Variants in TMCC1 observed in about 807,000 individuals in gnomAD.
TMCC1 encodes the protein transmembrane and coiled-coil domains protein 1.
Under a neutral mutation model 52.4 loss-of-function variants are expected in TMCC1, and 15 were observed. The observed-to-expected ratio is 0.29, with a 90% CI of 0.19 to 0.44. The LOEUF (loss-of-function observed/expected upper bound fraction) is 0.44, where lower values mean the gene tolerates loss of function less well. Ranked by LOEUF, TMCC1 falls within the 20% of genes least tolerant of loss-of-function variation. The probability of loss-of-function intolerance (pLI) is 1.00; values close to 1 mark genes in which losing one functional copy is unlikely to be tolerated. For missense variants in TMCC1, 503 were observed against 806.0 expected (o/e 0.62, Z 4.55); for synonymous variants, 279 against 301.9 (o/e 0.92, Z 0.79).
At chr3:129,787,819 T>C (rs1161601257) in intron 4 of TMCC1, among the ~76,000 whole-genome samples, 1 of 152,210 alleles carries the variant, frequency 6.6e-6, no homozygotes, top group Non-Finnish European at 1.5e-5. Flanking sequence ...ACACAGATGG[T>C]TGGGAGAAAG....
At chr3:129,775,139 G>T (rs560834175) in intron 4 of TMCC1, among the ~76,000 whole-genome samples, 1 of 152,156 alleles carries the variant, frequency 6.6e-6, no homozygotes, top group Non-Finnish European at 1.5e-5. Flanking sequence ...GCTTGGTGGG[G>T]GTGTATGCAG....
At chr3:129,724,587 AT>A (rs2049925445) in intron 4 of TMCC1, among the ~76,000 whole-genome samples, 1 of 152,222 alleles carries the variant, frequency 6.6e-6, no homozygotes, top group African/African-American at 2.4e-5. Context: ...CATTTTTCAT[AT>A]GTGCCCAAAA....
At chr3:129,767,256 C>G (rs1336630268) in intron 4 of TMCC1, among the ~76,000 whole-genome samples, 1 of 122,478 alleles carries the variant, frequency 8.2e-6, no homozygotes, top group African/African-American at 3.2e-5. Flanking sequence ...GAGACGCTGT[C>G]TTTAAAAAAA....
intron 5 of TMCC1, among the ~76,000 whole-genome samples, chr3:129,656,122 C>T (rs540483898): frequency 9.4e-4 from 143 of 152,298 alleles, no homozygotes; most frequent in African/African-American, 3.2e-3. Context: ...TTTAGGAAAA[C>T]GAGTCTTCTC....
At chr3:129,787,155 C>A (rs528875885) in intron 4 of TMCC1, among the ~76,000 whole-genome samples, 1 of 152,276 alleles carries the variant, frequency 6.6e-6, no homozygotes, top group Admixed American at 6.5e-5. Flanking sequence ...TTAGATAATT[C>A]TTTTCACATA....
At chr3:129,812,754 T>C (rs528657403) in intron 4 of TMCC1, among the ~76,000 whole-genome samples, 4 of 152,212 alleles carry the variant, frequency 2.6e-5, no homozygotes, top group African/African-American at 7.2e-5. Context: ...CATCTGGACA[T>C]AGGACCTGGC....
At chr3:129,655,862 C>T (rs548191299) in intron 5 of TMCC1, among the ~76,000 whole-genome samples, 2 of 152,190 alleles carry the variant, frequency 1.3e-5, no homozygotes, top group African/African-American at 4.8e-5. Context: ...GGATTACAGG[C>T]GTGAGCCACC....
At chr3:129,864,368 G>A (rs1029205150) in intron 2 of TMCC1, among the ~76,000 whole-genome samples, 1 of 152,108 alleles carries the variant, frequency 6.6e-6, no homozygotes, top group African/African-American at 2.4e-5. Context: ...TTATACCTAT[G>A]CCCAATTAGA....
intron 4 of TMCC1, among the ~76,000 whole-genome samples, chr3:129,817,491 C>T (rs1560480194): frequency 6.6e-6 from 1 of 152,062 alleles, no homozygotes; most frequent in Non-Finnish European, 1.5e-5. Flanking sequence ...CATGAAATTA[C>T]CAAATCAAAA....
chr3:129,661,770 C>A (rs1223068788), intron 5 of TMCC1, among the ~76,000 whole-genome samples: 2 of 152,062 alleles, frequency 1.3e-5, no homozygotes, highest in Non-Finnish European at 2.9e-5. Context: ...CCACTGCACT[C>A]CAGCCTGGGT....
chr3:129,706,077 G>T (rs1170212814), intron 4 of TMCC1, among the ~76,000 whole-genome samples: 1 of 151,274 alleles, frequency 6.6e-6, no homozygotes, highest in Non-Finnish European at 1.5e-5. Flanking sequence ...TTTTAGTAGA[G>T]ACGGGGTTTC....
At chr3:129,676,579 T>G (rs2088466479) in intron 4 of TMCC1, among the ~76,000 whole-genome samples, 2 of 152,080 alleles carry the variant, frequency 1.3e-5, no homozygotes, top group South Asian at 2.1e-4. Flanking sequence ...AGCGCAGCAT[T>G]TAACTTAGCT....
intron 5 of TMCC1, among the ~76,000 whole-genome samples, chr3:129,661,410 A>C (rs2087016357): frequency 1.3e-5 from 2 of 152,156 alleles, no homozygotes; most frequent in South Asian, 4.1e-4. Flanking sequence ...TGGGTGACAG[A>C]GCAAGAACCT....
intron 4 of TMCC1, among the ~76,000 whole-genome samples, chr3:129,671,469 A>G (rs2087936728): frequency 6.6e-6 from 1 of 152,196 alleles, no homozygotes; most frequent in Non-Finnish European, 1.5e-5. Context: ...AGATATATGA[A>G]AAAAGATCTG....
chr3:129,843,785 C>T (rs527635686), intron 2 of TMCC1, among the ~76,000 whole-genome samples: 2 of 151,802 alleles, frequency 1.3e-5, no homozygotes, highest in South Asian at 2.1e-4. Context: ...ATGGTTAATT[C>T]GACCAACCAT....
At chr3:129,805,821 C>A (rs1260784089) in intron 4 of TMCC1, among the ~76,000 whole-genome samples, 1 of 151,792 alleles carries the variant, frequency 6.6e-6, no homozygotes, top group East Asian at 1.9e-4. Flanking sequence ...GTAGTCCCAG[C>A]CATTTGGGAG....
intron 2 of TMCC1, among the ~76,000 whole-genome samples, chr3:129,864,543 ACT>A (rs1335671780): frequency 6.6e-6 from 1 of 152,206 alleles, no homozygotes; most frequent in Non-Finnish European, 1.5e-5. Context: ...TAATCCCAGC[ACT>A]CTGGGAGGCT....
intron 4 of TMCC1, among the ~76,000 whole-genome samples, chr3:129,675,296 A>G (rs1019409118): frequency 6.6e-6 from 1 of 152,268 alleles, no homozygotes; most frequent in Non-Finnish European, 1.5e-5. Flanking sequence ...GTCTGGCTCC[A>G]TATAGTACAG....
intron 2 of TMCC1, among the ~76,000 whole-genome samples, chr3:129,870,759 CAA>C (rs61673201): frequency 0.019 from 200 of 10,600 alleles, no homozygotes; most frequent in African/African-American, 0.034. Flanking sequence ...GACTCCATCT[CAA>C]AAAAAAAAAA....
Sources: gnomAD v4.1 joint callset for allele counts (sites outside exome capture counted in the v4.1 genomes callset) on GRCh38, gnomAD v4.1.1 for gene constraint, MANE v1.5 for transcripts, NCBI Gene and HGNC (gene_info 2026-07-23, HGNC 2026-07-21) for gene names.